The following PRKG2 variants were observed in gnomAD, a reference collection of about 807,000 sequenced individuals.
The protein encoded by PRKG2 is cGMP-dependent protein kinase 2.
In PRKG2, 33 loss-of-function variants were observed where a neutral mutation model predicts 97.2. The observed-to-expected ratio is 0.34, with a 90% confidence interval of 0.26 to 0.45. The LOEUF (loss-of-function observed/expected upper bound fraction) is 0.45, where lower values mean the gene tolerates loss of function less well. Ranked by LOEUF, PRKG2 falls within the 20% of genes least tolerant of loss-of-function variation. The probability of loss-of-function intolerance (pLI) is 1.00; values close to 1 mark genes in which losing one functional copy is unlikely to be tolerated. For missense variants in PRKG2, 638 were observed against 900.0 expected, an observed-to-expected ratio of 0.71 and a Z score of 3.73; for synonymous variants, 330 against 321.8, an observed-to-expected ratio of 1.03 and a Z score of -0.27.
chr4:81,189,054 T>TAAAA (rs1462589613), intron 2 of PRKG2, among the ~76,000 whole-genome samples: 1 of 10,794 alleles, frequency 9.3e-5, no homozygotes, highest in Non-Finnish European at 1.5e-4. Flanking sequence ...AAAAAAAGAT[T>TAAAA]AAAAAAAATA....
At chr4:81,159,078 A>C (rs1264412015) in intron 6 of PRKG2, among the ~76,000 whole-genome samples, 1 of 152,210 alleles carries the variant, frequency 6.6e-6, no homozygotes, top group African/African-American at 2.4e-5. Context: ...AAACACCAAA[A>C]GCAATGGCAA....
chr4:81,204,705 G>A lies in PRKG2; in HGVS notation c.343C>T (p.Leu115Phe). ...GCCTTTGCTCCCCTCCTGCTATGGAGAGAGACCAATCCAGAGGTCTTCCGG... is the reference window on the plus strand; with the variant it reads ...GCCTTTGCTCCCCTCCTGCTATGGAAAGAGACCAATCCAGAGGTCTTCCGG... ...VHRKTSGLVSLHSRRGAKAGV... is the reference protein window; with the variant it reads ...VHRKTSGLVSFHSRRGAKAGV... The change falls in exon 2 of 19, where the codon CTC becomes TTC. Residue 115 changes from leucine to phenylalanine, a missense_variant. Physicochemically the swap from Leu to Phe is conservative, Grantham distance 22. Coordinates refer to ENST00000264399, the MANE Select transcript of PRKG2 (RefSeq NM_006259.3). The A allele has an allele frequency of 6.2e-7, 1 of 1,614,218 alleles. No individual in the cohort carries two copies. The highest frequency in any genetic ancestry group is 8.5e-7 in the Non-Finnish European group (1 of 1,180,028).
chr4:81,214,064 G>C (rs1754143160), intron 1 of PRKG2, among the ~76,000 whole-genome samples: 1 of 145,086 alleles, frequency 6.9e-6, no homozygotes, highest in African/African-American at 2.6e-5. Flanking sequence ...GAGTTAAATA[G>C]AAACTTGCAA....
chr4:81,101,061 AAAC>A (rs1560535260), intron 17 of PRKG2, among the ~76,000 whole-genome samples: 1 of 151,930 alleles, frequency 6.6e-6, no homozygotes, highest in Non-Finnish European at 1.5e-5. Flanking sequence ...AAAAGTCAGG[AAAC>A]AACAGGTGCT....
intron 13 of PRKG2, 141 bp from the exon 14 acceptor site, chr4:81,135,437 C>G: frequency 1.3e-6 from 1 of 783,288 alleles, no homozygotes; most frequent in Non-Finnish European, 1.9e-6. Context: ...GTATTTTATA[C>G]TACCCATGAA....
Position 81,089,424 on chromosome 4 carries a change from A to G in PRKG2, c.*284T>C, listed in dbSNP as rs1245122076. The G allele has an allele frequency of 3.5e-6, 1 of 287,828 alleles. No individual in the cohort carries two copies. The highest frequency in any genetic ancestry group is 6.4e-6 in the Non-Finnish European group (1 of 156,674). The allele number at this position is 287,828 out of a possible 1,614,324, so 17.8% of individuals were successfully genotyped here. ...ACAATAGATTGCAGAAAAAACTGCC[A>G]CTTTAACAAAAATGGCTCTGATTGT... On this transcript the variant is annotated 3_prime_UTR_variant, in exon 19 of 19. Coordinates refer to ENST00000264399, the MANE Select transcript of PRKG2 (RefSeq NM_006259.3).
Position 81,110,440 on chromosome 4 carries a change from G to T in PRKG2, c.1940+8C>A, listed in dbSNP as rs201994908. The T allele has an allele frequency of 9.3e-6, 15 of 1,609,710 alleles. No individual in the cohort carries two copies. The African/African-American group carries it at 1.6e-4, about 17-fold the overall frequency. ...AGAGGTGGCTGCATAAAACTTGAAGGTACATACTTGCCCGTTAGGAGCTCA... is the reference window on the plus strand; with the variant it reads ...AGAGGTGGCTGCATAAAACTTGAAGTTACATACTTGCCCGTTAGGAGCTCA... On this transcript the variant is annotated splice_region_variant and intron_variant, in intron 15 of 18. Transcript: ENST00000264399.
At chr4:81,176,430 T>G (rs576120979) in intron 2 of PRKG2, among the ~76,000 whole-genome samples, 1 of 152,324 alleles carries the variant, frequency 6.6e-6, no homozygotes, top group Admixed American at 6.5e-5. Flanking sequence ...TTCATGTTCA[T>G]CCAATTCATT....
chr4:81,158,617 CA>C (rs1193528490), intron 6 of PRKG2, among the ~76,000 whole-genome samples: 1 of 151,898 alleles, frequency 6.6e-6, no homozygotes, highest in Non-Finnish European at 1.5e-5. Flanking sequence ...CATATGGAAC[CA>C]AAAAAGAGCC....
intron 18 of PRKG2, 33 bp from the exon 19 acceptor site, chr4:81,089,836 A>G (rs1560524916): frequency 6.6e-7 from 1 of 1,525,756 alleles, no homozygotes; most frequent in South Asian, 1.1e-5. Context: ...AAAAGGAAGA[A>G]TAATGTTGAC....
intron 9 of PRKG2, among the ~76,000 whole-genome samples, chr4:81,144,905 G>A (rs1316631447): frequency 2.6e-5 from 4 of 151,722 alleles, no homozygotes; most frequent in Admixed American, 2.6e-4. Flanking sequence ...ATGGTTTCCA[G>A]CTTCATCCAT....
upstream of PRKG2, among the ~76,000 whole-genome samples, chr4:81,215,703 C>G (rs139218182): frequency 6.1e-4 from 92 of 150,752 alleles, no homozygotes; most frequent in Non-Finnish European, 9.4e-4. Context: ...CTCGTCGACG[C>G]GCCCCTCCCG....
intron 14 of PRKG2, among the ~76,000 whole-genome samples, chr4:81,129,299 G>C (rs1745921030): frequency 6.6e-6 from 1 of 152,140 alleles, no homozygotes; most frequent in Admixed American, 6.5e-5. Flanking sequence ...ACTTGCAGTG[G>C]AGAGTTCTGT....
At chr4:81,094,649 C>T (rs1428876186) in intron 17 of PRKG2, among the ~76,000 whole-genome samples, 1 of 151,880 alleles carries the variant, frequency 6.6e-6, no homozygotes, top group Non-Finnish European at 1.5e-5. Context: ...GGAAGGGCTG[C>T]TTATAGCTAG....
chr4:81,142,509 TC>T (rs1474095698), intron 11 of PRKG2, among the ~76,000 whole-genome samples: 1 of 152,190 alleles, frequency 6.6e-6, no homozygotes, highest in Non-Finnish European at 1.5e-5. Context: ...ATTTTATGTT[TC>T]CTTTTGGACG....
chr4:81,167,292 T>C (rs1750069784), intron 5 of PRKG2, 68 bp from the exon 6 acceptor site: 1 of 986,054 alleles, frequency 1.0e-6, no homozygotes, highest in Non-Finnish European at 1.5e-6. Flanking sequence ...CATATGCAGA[T>C]TCTAAAATCT....
At chr4:81,110,322 G>A in intron 15 of PRKG2, 126 bp downstream of exon 15, 1 of 969,166 alleles carries the variant, frequency 1.0e-6, no homozygotes, top group Non-Finnish European at 1.5e-6. Context: ...ATGAGAAAAA[G>A]GTATCATACT....
intron 6 of PRKG2, among the ~76,000 whole-genome samples, chr4:81,161,797 T>G (rs1207769150): frequency 6.6e-6 from 1 of 152,148 alleles, no homozygotes; most frequent in African/African-American, 2.4e-5. Context: ...GCAACTATAT[T>G]CAATAGTTCA....
At chr4:81,173,716 A>C (rs1750682475) in intron 3 of PRKG2, 1 of 152,110 alleles carries the variant, frequency 6.6e-6, no homozygotes, top group Admixed American at 6.6e-5. Flanking sequence ...ACAATCTTTT[A>C]TATACTATAA....
Sources: gnomAD v4.1 joint callset for allele counts (sites outside exome capture counted in the v4.1 genomes callset) on GRCh38, gnomAD v4.1.1 for gene constraint, MANE v1.5 for transcripts, NCBI Gene and HGNC (gene_info 2026-07-23, HGNC 2026-07-21) for gene names.